The following SCRG1 variants were observed in gnomAD, a reference collection of about 807,000 sequenced individuals.
SCRG1 encodes the protein scrapie-responsive protein 1.
SCRG1 carries 3 observed loss-of-function variants against 7.7 expected under a neutral mutation model. The observed-to-expected ratio is 0.39, with a 90% CI of 0.18 to 1.01. The LOEUF (loss-of-function observed/expected upper bound fraction) is 1.01. Ranked by LOEUF, SCRG1 falls within the 50% of genes least tolerant of loss-of-function variation. The probability of loss-of-function intolerance (pLI) is 0.36; values close to 1 mark genes in which losing one functional copy is unlikely to be tolerated. For missense variants in SCRG1, 110 were observed against 117.2 expected (o/e 0.94, Z 0.28); for synonymous variants, 46 against 41.2 (o/e 1.12, Z -0.44).
At chr4:173,481,095 AT>A in the SCRG1 span, among the ~76,000 whole-genome samples, 1 of 152,166 alleles carries the variant, frequency 6.6e-6, no homozygotes. Context: ...CATACTGATA[AT>A]TTTTAAAAAT....
the SCRG1 span, among the ~76,000 whole-genome samples, chr4:173,509,614 C>T: frequency 6.6e-6 from 1 of 152,184 alleles, no homozygotes; most frequent in Non-Finnish European, 1.5e-5. This position sits in a 1 kb window ranked among gnomAD's most constrained non-coding sequence, Gnocchi z 5.7. Flanking sequence ...GAGCTCACTT[C>T]CTCCCCGCGC....
chr4:173,402,053 G>C (rs1739775968), upstream of SCRG1, among the ~76,000 whole-genome samples: 1 of 152,142 alleles, frequency 6.6e-6, no homozygotes, highest in Non-Finnish European at 1.5e-5. Flanking sequence ...CTGATGGGCT[G>C]TTACTCAGAC....
At chr4:173,443,850 A>G in the SCRG1 span, among the ~76,000 whole-genome samples, 390 of 151,896 alleles carry the variant, frequency 2.6e-3, 1 homozygote, top group Non-Finnish European at 4.0e-3. Flanking sequence ...TTTTTATGGC[A>G]CTTGCAATCT....
chr4:173,477,705 C>CCCTTCCTT, the SCRG1 span, among the ~76,000 whole-genome samples: 341 of 128,306 alleles, frequency 2.7e-3, 2 homozygotes, highest in Admixed American at 5.1e-3. Flanking sequence ...TCTTTTTTTT[C>CCCTTCCTT]CCTTCCTTCC....
the SCRG1 span, among the ~76,000 whole-genome samples, chr4:173,509,629 C>G: frequency 6.6e-5 from 10 of 152,190 alleles, no homozygotes; most frequent in Admixed American, 6.5e-4. The surrounding 1 kb of genome is among the most constrained non-coding windows in gnomAD (Gnocchi z 5.7). Flanking sequence ...CCGCGCCGCT[C>G]CCTTCCGTCG....
chr4:173,517,677 G>A, the SCRG1 span, among the ~76,000 whole-genome samples: 11 of 152,234 alleles, frequency 7.2e-5, no homozygotes, highest in Non-Finnish European at 1.5e-4. Flanking sequence ...AAAAAACTGA[G>A]TCTGTGGAGG....
chr4:173,476,359 A>ATATATATATAT, the SCRG1 span, among the ~76,000 whole-genome samples: 3 of 24,276 alleles, frequency 1.2e-4, no homozygotes, highest in East Asian at 1.4e-3. Context: ...AGGGGGAAAA[A>ATATATATATAT]AAAAATATAT....
At chr4:173,418,653 G>A in the SCRG1 span, among the ~76,000 whole-genome samples, 1 of 152,142 alleles carries the variant, frequency 6.6e-6, no homozygotes, top group Non-Finnish European at 1.5e-5. Flanking sequence ...AATATGGTTT[G>A]GGTCTGTATA....
upstream of SCRG1, chr4:173,403,359 C>A (rs532862957): frequency 2.0e-5 from 3 of 152,294 alleles, no homozygotes; most frequent in South Asian, 2.1e-4. Flanking sequence ...ATGGGCAACC[C>A]TGGCTATAAT....
the SCRG1 span, among the ~76,000 whole-genome samples, chr4:173,505,543 T>C: frequency 6.6e-6 from 1 of 152,180 alleles, no homozygotes; most frequent in South Asian, 2.1e-4. The surrounding 1 kb of genome is among the most constrained non-coding windows in gnomAD (Gnocchi z 4.4). Context: ...TCTGTCTTTG[T>C]AGGAGAAAAA....
the SCRG1 span, among the ~76,000 whole-genome samples, chr4:173,443,590 C>G: frequency 6.6e-6 from 1 of 152,126 alleles, no homozygotes; most frequent in Admixed American, 6.5e-5. Context: ...TTATTGATCA[C>G]TTTTCTTTGG....
the SCRG1 span, among the ~76,000 whole-genome samples, chr4:173,440,216 C>A: frequency 6.6e-6 from 1 of 152,288 alleles, no homozygotes; most frequent in South Asian, 2.1e-4. Flanking sequence ...CTAACTTTTG[C>A]TCTCTACAGA....
chr4:173,465,908 G>A, the SCRG1 span, among the ~76,000 whole-genome samples: 1 of 151,908 alleles, frequency 6.6e-6, no homozygotes. Flanking sequence ...CCTTACCTTT[G>A]TGCACATCGG....
chr4:173,451,860 A>C, the SCRG1 span, among the ~76,000 whole-genome samples: 1 of 152,030 alleles, frequency 6.6e-6, no homozygotes, highest in Non-Finnish European at 1.5e-5. Flanking sequence ...GTTGAGTCGA[A>C]GTAATACCCT....
the SCRG1 span, among the ~76,000 whole-genome samples, chr4:173,509,619 C>T: frequency 6.6e-6 from 1 of 152,300 alleles, no homozygotes; most frequent in South Asian, 2.1e-4. This position sits in a 1 kb window ranked among gnomAD's most constrained non-coding sequence, Gnocchi z 5.7. Context: ...CACTTCCTCC[C>T]CGCGCCGCTC....
At chr4:173,475,703 A>T in the SCRG1 span, among the ~76,000 whole-genome samples, 1 of 152,214 alleles carries the variant, frequency 6.6e-6, no homozygotes, top group South Asian at 2.1e-4. Flanking sequence ...AGTATCAATC[A>T]TTGGATGAAA....
chr4:173,518,861 C>T, the SCRG1 span, among the ~76,000 whole-genome samples: 2 of 151,642 alleles, frequency 1.3e-5, no homozygotes, highest in South Asian at 2.1e-4. Flanking sequence ...CCCTGCTCCC[C>T]GCTTCCCGCC....
At chr4:173,450,813 C>T in the SCRG1 span, among the ~76,000 whole-genome samples, 203 of 152,296 alleles carry the variant, frequency 1.3e-3, no homozygotes, top group African/African-American at 4.7e-3. Context: ...ATGAGGTTAG[C>T]TGAGACATAA....
chr4:173,456,965 A>G, the SCRG1 span, among the ~76,000 whole-genome samples: 4 of 152,228 alleles, frequency 2.6e-5, no homozygotes, highest in Non-Finnish European at 5.9e-5. Flanking sequence ...TTTATGGTCA[A>G]CAGTTGACTT....
Sources: gnomAD v4.1 joint callset for allele counts (sites outside exome capture counted in the v4.1 genomes callset) on GRCh38, gnomAD v4.1.1 for gene constraint, Gnocchi (gnomAD v3.1) non-coding constraint, MANE v1.5 for transcripts, NCBI Gene and HGNC (gene_info 2026-07-23, HGNC 2026-07-21) for gene names.